CERT1: variants seen among roughly 807,000 people sequenced by gnomAD.
CERT1 encodes the protein ceramide transporter 1.
Under a neutral mutation model 87.9 loss-of-function variants are expected in CERT1, and 31 were observed. The observed-to-expected ratio is 0.35, with a 90% CI of 0.27 to 0.48. CERT1 has a LOEUF of 0.48. CERT1 is among the 20% of genes least tolerant of loss of function. The probability of loss-of-function intolerance (pLI) is 0.99; values close to 1 mark genes in which losing one functional copy is unlikely to be tolerated. For synonymous variants in CERT1, 289 were observed against 250.9 expected (o/e 1.15, Z -1.44); for missense variants, 487 against 758.0 (o/e 0.64, Z 4.20).
At chr5:75,386,643 T>C (rs563811741) in intron 12 of CERT1, among the ~76,000 whole-genome samples, 165 of 152,302 alleles carry the variant, frequency 1.1e-3, no homozygotes, top group Non-Finnish European at 1.2e-3. Context: ...ATGAAACATG[T>C]CATCATGGGG....
At chr5:75,388,074 G>A (rs1761872985) in intron 12 of CERT1, among the ~76,000 whole-genome samples, 1 of 152,212 alleles carries the variant, frequency 6.6e-6, no homozygotes, top group Non-Finnish European at 1.5e-5. Context: ...TCCGCGAAGA[G>A]CATACATCCT....
chr5:75,405,297 T>C (rs1212517094), intron 8 of CERT1, among the ~76,000 whole-genome samples: 1 of 152,258 alleles, frequency 6.6e-6, no homozygotes, highest in Non-Finnish European at 1.5e-5. Flanking sequence ...AGCACTCTTA[T>C]GGGGCTCCTT....
At chr5:75,470,613 C>G (rs563690209) in intron 2 of CERT1, among the ~76,000 whole-genome samples, 1 of 152,028 alleles carries the variant, frequency 6.6e-6, no homozygotes. Flanking sequence ...AAGAAATGTA[C>G]CTCAACACAC....
intron 2 of CERT1, among the ~76,000 whole-genome samples, chr5:75,500,148 T>C (rs964762150): frequency 6.6e-6 from 1 of 152,074 alleles, no homozygotes; most frequent in African/African-American, 2.4e-5. Context: ...AAACACCAGA[T>C]GTAAGGGGAA....
At chr5:75,488,651 A>G (rs1766636138) in intron 2 of CERT1, among the ~76,000 whole-genome samples, 2 of 152,052 alleles carry the variant, frequency 1.3e-5, no homozygotes, top group Non-Finnish European at 2.9e-5. Context: ...TTTTTTTCTA[A>G]GTTTAAAAAC....
At chr5:75,507,584 T>C (rs569712246) in intron 1 of CERT1, among the ~76,000 whole-genome samples, 1 of 152,188 alleles carries the variant, frequency 6.6e-6, no homozygotes, top group Non-Finnish European at 1.5e-5. Flanking sequence ...TAAAACTGAA[T>C]TCACCTTCCT....
At chr5:75,454,211 C>T (rs113648876) in intron 3 of CERT1, among the ~76,000 whole-genome samples, 57 of 152,292 alleles carry the variant, frequency 3.7e-4, no homozygotes, top group African/African-American at 8.9e-4. Context: ...TATGGTAACA[C>T]ATACCGTAAA....
At chr5:75,474,110 G>C (rs1765846227) in intron 2 of CERT1, among the ~76,000 whole-genome samples, 1 of 152,158 alleles carries the variant, frequency 6.6e-6, no homozygotes, top group Non-Finnish European at 1.5e-5. Context: ...AAAAACCGAT[G>C]TTATTCATAG....
At chr5:75,490,391 T>C (rs1451836337) in intron 2 of CERT1, among the ~76,000 whole-genome samples, 1 of 151,324 alleles carries the variant, frequency 6.6e-6, no homozygotes, top group Non-Finnish European at 1.5e-5. Flanking sequence ...ATATGAAAAT[T>C]AGTCCTTGTC....
At chr5:75,419,936 C>T (rs534139838) in intron 5 of CERT1, among the ~76,000 whole-genome samples, 2 of 152,148 alleles carry the variant, frequency 1.3e-5, no homozygotes, top group African/African-American at 4.8e-5. Flanking sequence ...TATAAGGGTG[C>T]CTTCTATGCA....
At chr5:75,500,095 G>C (rs1369494627) in intron 2 of CERT1, among the ~76,000 whole-genome samples, 1 of 152,134 alleles carries the variant, frequency 6.6e-6, no homozygotes, top group Non-Finnish European at 1.5e-5. Context: ...ACAGAGATTG[G>C]AGTGATGCAT....
chr5:75,391,234 A>G (rs1762019178), intron 11 of CERT1, among the ~76,000 whole-genome samples: 1 of 152,190 alleles, frequency 6.6e-6, no homozygotes, highest in Non-Finnish European at 1.5e-5. Context: ...TTTAAAAAAG[A>G]AACTCACTCT....
intron 11 of CERT1, among the ~76,000 whole-genome samples, chr5:75,397,191 G>T (rs1274824168): frequency 6.6e-6 from 1 of 152,156 alleles, no homozygotes; most frequent in African/African-American, 2.4e-5. Context: ...TAATGCTTTA[G>T]CAAGGACAAC....
At chr5:75,479,334 G>T (rs1766120176) in intron 2 of CERT1, among the ~76,000 whole-genome samples, 1 of 151,914 alleles carries the variant, frequency 6.6e-6, no homozygotes, top group Non-Finnish European at 1.5e-5. Flanking sequence ...TACATGTGAA[G>T]GTTTGTTACA....
chr5:75,393,602 T>A (rs1440952769), intron 11 of CERT1, among the ~76,000 whole-genome samples: 12 of 32,752 alleles, frequency 3.7e-4, no homozygotes, highest in Admixed American at 6.0e-4. Context: ...CTCATCTACT[T>A]AAAAAAAAAA....
chr5:75,431,351 A>G (rs1015404535), intron 3 of CERT1, among the ~76,000 whole-genome samples: 1 of 152,168 alleles, frequency 6.6e-6, no homozygotes, highest in African/African-American at 2.4e-5. Context: ...ACTTAGGATA[A>G]TGGCCTCTAA....
At chr5:75,482,660 C>G (rs1389486780) in intron 2 of CERT1, among the ~76,000 whole-genome samples, 1 of 152,132 alleles carries the variant, frequency 6.6e-6, no homozygotes, top group Non-Finnish European at 1.5e-5. Flanking sequence ...TCACCTTTAC[C>G]CCAGCTCCAG....
rs1762564338 is a variant in CERT1 at position 75,403,113 on chromosome 5, C to CT, written c.931-56dup. The CT allele has an allele frequency of 3.5e-6, 4 of 1,140,484 alleles. No individual in the cohort carries two copies. In the South Asian group the frequency reaches 5.1e-5, roughly 15 times the overall value. 70.6% of individuals were successfully genotyped at this position (1,140,484 alleles called of 1,614,324 possible). ...AGTTTATTTAAAGAAACAGAAAACT[C>CT]TGATAACTCTGGTATTAACTTGAGT... On this transcript the variant is annotated intron_variant, in intron 8 of 16. Transcript: ENST00000643780.
chr5:75,429,175 G>GAATAAT lies in CERT1; in HGVS notation c.349-2703_349-2698dup, dbSNP rs35760935. Among the ~76,000 whole-genome samples, 270 of 143,834 alleles carry GAATAAT rather than the reference G, an allele frequency of 1.9e-3. 1 individual carries two copies. Among genetic ancestry groups the GAATAAT allele is most frequent in the African/African-American group, 5.3e-3 (205 of 38,836 alleles). 94.4% of individuals were successfully genotyped at this position (143,834 alleles called of 152,430 possible). A position where few individuals can be genotyped will look rare whatever the true frequency, so the allele number is the denominator to read the frequency against. ...TTTTGAAAACCTCTAAATAGAAACT[G>GAATAAT]AATAATAATAATAATAATAATAATT... On this transcript the variant is annotated intron_variant, in intron 3 of 16. Transcript: ENST00000643780.
Sources: allele counts gnomAD v4.1 joint callset (sites outside exome capture counted in the v4.1 genomes callset), GRCh38; gene constraint gnomAD v4.1.1; transcripts MANE v1.5; gene names NCBI Gene and HGNC (gene_info 2026-07-23, HGNC 2026-07-21).